The following PTPRJ variants were observed in gnomAD, a reference collection of about 807,000 sequenced individuals.
PTPRJ encodes receptor-type tyrosine-protein phosphatase eta.
PTPRJ carries 129 observed loss-of-function variants against 141.3 expected under a neutral mutation model. The ratio of observed to expected loss-of-function variants is 0.91; its 90% confidence interval spans 0.79 to 1.06. PTPRJ has a LOEUF of 1.06. PTPRJ is among the 50% of genes least tolerant of loss of function. The pLI is 0.00. For synonymous variants in PTPRJ, 610 were observed against 640.5 expected (o/e 0.95, Z 0.72); for missense variants, 1,601 against 1,679.7 (o/e 0.95, Z 0.82).
At chr11:47,981,150 G>C in intron 1 of PTPRJ, 142 bp downstream of exon 1, 1 of 901,664 alleles carries the variant, frequency 1.1e-6, no homozygotes, top group Non-Finnish European at 1.4e-6. Context: ...AAGGCGACTT[G>C]CGGGGACCCC....
At chr11:48,101,819 G>A (rs1856157192) in intron 1 of PTPRJ, among the ~76,000 whole-genome samples, 1 of 152,184 alleles carries the variant, frequency 6.6e-6, no homozygotes, top group Non-Finnish European at 1.5e-5. Context: ...AGATTTAAGT[G>A]CATGCAGCCA....
intron 1 of PTPRJ, among the ~76,000 whole-genome samples, chr11:48,106,412 A>G (rs1290338035): frequency 2.0e-5 from 3 of 152,236 alleles, no homozygotes; most frequent in African/African-American, 7.2e-5. Context: ...TCTGTGATTT[A>G]GGGCTGGAGG....
chr11:48,016,066 A>G lies in PTPRJ; in HGVS notation c.96+35058A>G, dbSNP rs572704287. 2.8e-4 allele frequency among the ~76,000 whole-genome samples: 42 copies of G among 152,016 alleles called. 1 individual carries two copies. Among genetic ancestry groups the G allele is most frequent in the Non-Finnish European group, 4.9e-4 (33 of 67,986 alleles). On this transcript the variant is annotated intron_variant, in intron 1 of 24. Transcript: ENST00000418331. ...GTTTGGCTTTTGCAGCCATTGTGTT[A>G]TGGGTTCCAGTGGAAGCTGGGCTGG...
chr11:48,055,520 T>C (rs1035929398), intron 1 of PTPRJ, among the ~76,000 whole-genome samples: 12 of 152,238 alleles, frequency 7.9e-5, no homozygotes, highest in African/African-American at 2.9e-4. Context: ...TGGTAAGTTC[T>C]GGCCTTGAGG....
At chr11:48,054,196 A>G (rs1406851919) in intron 1 of PTPRJ, among the ~76,000 whole-genome samples, 2 of 152,174 alleles carry the variant, frequency 1.3e-5, no homozygotes, top group African/African-American at 4.8e-5. Flanking sequence ...GGCCTCCCAA[A>G]GTGCTGGGAT....
At chr11:48,047,498 A>ACT (rs1397663779) in intron 1 of PTPRJ, among the ~76,000 whole-genome samples, 1 of 146,616 alleles carries the variant, frequency 6.8e-6, no homozygotes, top group African/African-American at 2.5e-5. Flanking sequence ...ACCTATGGTA[A>ACT]TTTTTTTTTT....
chr11:48,137,044 A>G lies in PTPRJ; in HGVS notation c.1915A>G (p.Thr639Ala), dbSNP rs1375534808. The G allele has an allele frequency of 6.2e-7, 1 of 1,606,060 alleles. No homozygotes were observed. The highest frequency in any genetic ancestry group is 1.1e-5 in the South Asian group (1 of 90,916). Reference sequence around the variant, plus strand: ...CAACATTGATGTAAGTACCAACACCACAGCAGCAACTTTAAGTTGGCAGAA... The same window carrying G: ...CAACATTGATGTAAGTACCAACACCGCAGCAGCAACTTTAAGTTGGCAGAA... Reference protein sequence around the residue: ...VSNIDVSTNTTAATLSWQNFD... With the variant: ...VSNIDVSTNTAAATLSWQNFD... Residue 639 changes from threonine to alanine, a missense_variant, in exon 10 of 25, where the codon ACA becomes GCA. Thr to Ala is a moderately conservative substitution (Grantham distance 58, BLOSUM62 0). Transcript: ENST00000418331.
At chr11:48,036,458 A>G (rs1170607044) in intron 1 of PTPRJ, among the ~76,000 whole-genome samples, 1 of 152,184 alleles carries the variant, frequency 6.6e-6, no homozygotes, top group African/African-American at 2.4e-5. Context: ...TATCAGGTTT[A>G]AAGTCGTATT....
intron 1 of PTPRJ, among the ~76,000 whole-genome samples, chr11:48,063,916 TTATGTGTGTG>T (rs1466264885): frequency 1.5e-5 from 2 of 134,634 alleles, no homozygotes; most frequent in African/African-American, 6.4e-5. Flanking sequence ...AGTTCTCAGC[TTATGTGTGTG>T]TGTGTGTGTG....
intron 22 of PTPRJ, among the ~76,000 whole-genome samples, chr11:48,160,575 A>G (rs1857743181): frequency 6.6e-6 from 1 of 152,136 alleles, no homozygotes; most frequent in African/African-American, 2.4e-5. Context: ...TTTTTCAAGG[A>G]TGCTTTGAAA....
intron 10 of PTPRJ, among the ~76,000 whole-genome samples, chr11:48,137,673 G>C (rs1857137262): frequency 3.9e-5 from 6 of 152,100 alleles, no homozygotes; most frequent in Admixed American, 3.9e-4. Context: ...TGTGCAGAGG[G>C]GCCTGTGCAG....
chr11:48,013,611 G>A (rs1265867029), intron 1 of PTPRJ, among the ~76,000 whole-genome samples: 1 of 152,182 alleles, frequency 6.6e-6, no homozygotes, highest in Non-Finnish European at 1.5e-5. Flanking sequence ...CTGCTTGCTG[G>A]CTCTCTGGGA....
rs1432394777 is a variant in PTPRJ, at chr11:48,027,080, CT to C, written c.96+46073del. ...ATTGCAGTGGCGCGATCTCAGCTCA[CT>C]GCAAGCTCTGCCTCCCAGGTTCACG... On this transcript the variant is annotated intron_variant, in intron 1 of 24. Transcript: ENST00000418331. 2.1e-5 allele frequency among the ~76,000 whole-genome samples: 3 copies of C among 144,852 alleles called. No individual in the cohort carries two copies. In the Admixed American group the frequency reaches 2.1e-4, roughly 10 times the overall value.
chr11:47,997,386 C>T (rs535068900), intron 1 of PTPRJ, among the ~76,000 whole-genome samples: 3 of 152,334 alleles, frequency 2.0e-5, no homozygotes, highest in Non-Finnish European at 2.9e-5. Flanking sequence ...ACTTCCTCCC[C>T]GTGAGACCGT....
chr11:48,145,978 A>C (rs181353958), intron 14 of PTPRJ, among the ~76,000 whole-genome samples: 1 of 151,812 alleles, frequency 6.6e-6, no homozygotes, highest in Non-Finnish European at 1.5e-5. Context: ...TCAGCCTCCC[A>C]GGTGGGACCA....
At chr11:48,039,792 CTT>C (rs111537902) in intron 1 of PTPRJ, among the ~76,000 whole-genome samples, 11 of 143,138 alleles carry the variant, frequency 7.7e-5, no homozygotes, top group Admixed American at 1.4e-4. Context: ...TTTGCCCTTT[CTT>C]TTTTTTTTTT....
chr11:47,990,047 T>C (rs1461347632), intron 1 of PTPRJ, among the ~76,000 whole-genome samples: 1 of 152,198 alleles, frequency 6.6e-6, no homozygotes, highest in Non-Finnish European at 1.5e-5. Context: ...TTTTATAAAA[T>C]ACCACGAGGT....
intron 1 of PTPRJ, among the ~76,000 whole-genome samples, chr11:47,983,361 T>G (rs913225971): frequency 2.0e-5 from 3 of 152,178 alleles, no homozygotes; most frequent in Non-Finnish European, 4.4e-5. Context: ...AGCTGACTGG[T>G]TTTTTGAGGC....
At chr11:48,159,797 C>T in intron 21 of PTPRJ, 133 bp from the exon 22 acceptor site, 1 of 1,183,624 alleles carries the variant, frequency 8.4e-7, no homozygotes, top group Non-Finnish European at 1.2e-6. Context: ...TTCGAAGGGT[C>T]AAACAAAACC....
Sources: allele counts gnomAD v4.1 joint callset (sites outside exome capture counted in the v4.1 genomes callset), GRCh38; gene constraint gnomAD v4.1.1; transcripts MANE v1.5; gene names NCBI Gene and HGNC (gene_info 2026-07-23, HGNC 2026-07-21).